The following TLE3 variants were observed in gnomAD, a reference collection of about 807,000 sequenced individuals.
TLE3 encodes the protein transducin-like enhancer protein 3.
A neutral mutation model predicts 93.0 loss-of-function variants in TLE3; 14 were observed. The ratio of observed to expected loss-of-function variants is 0.15; its 90% CI spans 0.10 to 0.24. TLE3 has a LOEUF of 0.24. Among genes scored for constraint, TLE3 ranks in the 10% least tolerant of loss-of-function variants. The pLI, the probability that TLE3 is intolerant of heterozygous loss-of-function variation, is 1.00. For missense variants in TLE3, 693 were observed against 1,046.6 expected, an observed-to-expected ratio of 0.66 and a Z score of 4.66; for synonymous variants, 451 against 425.0, an observed-to-expected ratio of 1.06 and a Z score of -0.75.
At chr15:70,087,515 C>T (rs144970929) in intron 4 of TLE3, among the ~76,000 whole-genome samples, 354 of 152,346 alleles carry the variant, frequency 2.3e-3, no homozygotes, top group African/African-American at 8.3e-3. Context: ...GAAAGTACTT[C>T]CCCTGGGATT....
chr15:70,095,247 A>G, intron 3 of TLE3: 1 of 1,198,782 alleles, frequency 8.3e-7, no homozygotes, highest in Non-Finnish European at 1.1e-6. Flanking sequence ...GGGCTGGTCC[A>G]ATCCTATCTT....
At chr15:70,065,052 T>A (rs1449020699) in intron 7 of TLE3, among the ~76,000 whole-genome samples, 1 of 152,222 alleles carries the variant, frequency 6.6e-6, no homozygotes, top group Non-Finnish European at 1.5e-5. Flanking sequence ...AGTTCTCCTG[T>A]CTGCTATGGA....
In TLE3 at chr15:70,048,538, A is replaced by G. The variant is rs1167417454; in HGVS notation, c.*1559T>C. The G allele has an allele frequency of 1.3e-5, 2 of 152,248 alleles. No homozygotes were observed. Among genetic ancestry groups the G allele is most frequent in the South Asian group, 2.1e-4 (1 of 4,826 alleles). 9.4% of individuals were successfully genotyped at this position (152,248 alleles called of 1,614,324 possible). On this transcript the variant is annotated 3_prime_UTR_variant, in exon 20 of 20. Transcript: ENST00000451782. ...ACACATTACAAAATAATCCATAAAA[A>G]TGCAGTATAAAAATTATCTTCGATA... is the stretch of plus-strand genomic sequence containing the variant.
At chr15:70,053,797 C>T in intron 16 of TLE3, 1 of 163,710 alleles carries the variant, frequency 6.1e-6, no homozygotes, top group Non-Finnish European at 1.3e-5. Context: ...AGCTCCTTAA[C>T]TCGCACTCCA....
At chr15:70,089,651 C>T (rs576145754) in intron 4 of TLE3, among the ~76,000 whole-genome samples, 1 of 152,326 alleles carries the variant, frequency 6.6e-6, no homozygotes, top group East Asian at 1.9e-4. Flanking sequence ...GAGGGGCTTC[C>T]TTCATACCTA....
rs780745050 is a variant in TLE3 at position 70,096,932 on chromosome 15, T to C, written c.-134A>G. 2.4e-5 allele frequency: 24 copies of C among 1,017,626 alleles called. No homozygotes were observed. The highest frequency in any genetic ancestry group is 5.8e-6 in the Non-Finnish European group (4 of 684,184). The allele number at this position is 1,017,626 out of a possible 1,614,324, so 63.0% of individuals were successfully genotyped here. A position where few individuals can be genotyped will look rare whatever the true frequency, so the allele number is the denominator to read the frequency against. The stretch of plus-strand genomic sequence containing the variant: ...AGAGCTCGCCCCCGGCCCCCCCAGC[T>C]CGTTCTCGCAGCGAAATCCCAGAGT... On this transcript the variant is annotated 5_prime_UTR_variant, in exon 1 of 20. Transcript: ENST00000451782.
rs569381276 is a variant in TLE3 at position 70,059,088 on chromosome 15, T to A, written c.766-273A>T. On this transcript the variant is annotated intron_variant, in intron 10 of 19. Coordinates refer to ENST00000451782, the MANE Select transcript of TLE3 (RefSeq NM_001105192.3). ...TGGCCAAATGTAGATGCTCTCCAGC[T>A]CCTCCTCAGGCCCCTGAGGCTGAGA... Among the ~76,000 whole-genome samples the A allele has an allele frequency of 3.9e-5, 6 of 152,186 alleles. No homozygotes were observed. In the East Asian group the frequency reaches 1.2e-3, roughly 29 times the overall value.
At chr15:70,081,207 G>T (rs546010235) in intron 4 of TLE3, among the ~76,000 whole-genome samples, 2 of 152,174 alleles carry the variant, frequency 1.3e-5, no homozygotes, top group African/African-American at 4.8e-5. Context: ...AAAATGAAGG[G>T]ATTAACTAGA....
intron 14 of TLE3, 93 bp downstream of exon 14, chr15:70,056,205 G>T: frequency 2.2e-6 from 3 of 1,358,012 alleles, no homozygotes; most frequent in East Asian, 2.3e-5. Context: ...GCAAACCCTT[G>T]GTCAGGGGAT....
At position 70,064,035 on chromosome 15, in the gene TLE3, C is replaced by T. The variant is rs187481379; in HGVS notation, c.594+419G>A. ...CACAAAGCCCCTCGCAATGGAAGAT[C>T]CAGGGCTGGTCAGCTGACCTCTCAG... On this transcript the variant is annotated intron_variant, in intron 8 of 19. Coordinates refer to ENST00000451782, the MANE Select transcript of TLE3 (RefSeq NM_001105192.3). 1.6e-3 allele frequency among the ~76,000 whole-genome samples: 248 copies of T among 152,266 alleles called. 1 individual carries two copies. Among genetic ancestry groups the T allele is most frequent in the African/African-American group, 5.3e-3 (219 of 41,536 alleles).
intron 9 of TLE3, 91 bp downstream of exon 9, chr15:70,060,439 C>A: frequency 6.4e-7 from 1 of 1,552,466 alleles, no homozygotes; most frequent in Non-Finnish European, 8.7e-7. Context: ...CTGCCAACCA[C>A]AAGAAGACCC....
intron 8 of TLE3, among the ~76,000 whole-genome samples, chr15:70,062,934 A>AG (rs1309612172): frequency 6.6e-6 from 1 of 152,032 alleles, no homozygotes. Context: ...GGGGGTTCCC[A>AG]GGGGGGGTCT....
chr15:70,082,788 G>A (rs1489650610), intron 4 of TLE3, among the ~76,000 whole-genome samples: 1 of 152,222 alleles, frequency 6.6e-6, no homozygotes, highest in Non-Finnish European at 1.5e-5. Context: ...TTCACAGGCG[G>A]GTGAGGATGA....
intron 7 of TLE3, among the ~76,000 whole-genome samples, chr15:70,065,267 A>G (rs1374499935): frequency 6.6e-6 from 1 of 152,242 alleles, no homozygotes; most frequent in East Asian, 1.9e-4. Flanking sequence ...CCAATTTTTG[A>G]AAAGGGCCTC....
chr15:70,097,243 GCCGGGGCAGCCCCAAGCAT>G lies in TLE3; in HGVS notation c.-464_-446del. ...GCGGGTCGCGCCTGTAGGGGGGCGC[GCCGGGGCAGCCCCAAGCAT>G]CCGGGGCGCGCGGGTCCGATCCTAG... On this transcript the variant is annotated 5_prime_UTR_variant, in exon 1 of 20. The change abolishes an upstream ATG in the 5' untranslated region. Transcript: ENST00000451782. The G allele has an allele frequency of 2.5e-6, 1 of 400,926 alleles. No individual in the cohort carries two copies. Among genetic ancestry groups the G allele is most frequent in the Non-Finnish European group, 4.4e-6 (1 of 228,526 alleles). 24.8% of individuals were successfully genotyped at this position (400,926 alleles called of 1,614,324 possible).
intron 7 of TLE3, 156 bp downstream of exon 7, chr15:70,065,858 T>C: frequency 1.3e-6 from 1 of 780,900 alleles, no homozygotes; most frequent in Non-Finnish European, 2.0e-6. Context: ...CGGATGGCAT[T>C]GGCTTCCCTG....
At chr15:70,076,651 C>T (rs930286176) in intron 4 of TLE3, among the ~76,000 whole-genome samples, 12 of 152,146 alleles carry the variant, frequency 7.9e-5, no homozygotes, top group African/African-American at 2.2e-4. Flanking sequence ...ACTAGCCTCT[C>T]CCTCACCAAG....
At chr15:70,052,817 G>A in intron 17 of TLE3, 1 of 314,984 alleles carries the variant, frequency 3.2e-6, no homozygotes, top group Middle Eastern at 8.9e-4. Context: ...ATTAAAGTGA[G>A]GAATGCAAAT....
intron 4 of TLE3, among the ~76,000 whole-genome samples, chr15:70,092,918 T>C (rs1010966968): frequency 6.6e-6 from 1 of 152,040 alleles, no homozygotes; most frequent in Non-Finnish European, 1.5e-5. Context: ...CTGGGTGCAA[T>C]TACCCTCTTT....
Sources: gnomAD v4.1 joint callset for allele counts (sites outside exome capture counted in the v4.1 genomes callset) on GRCh38, gnomAD v4.1.1 for gene constraint, MANE v1.5 for transcripts, NCBI Gene and HGNC (gene_info 2026-07-23, HGNC 2026-07-21) for gene names.